The following TMTC1 variants were observed in gnomAD, a reference collection of about 807,000 sequenced individuals.
TMTC1 encodes the protein protein O-mannosyl-transferase TMTC1.
Under a neutral mutation model 104.8 loss-of-function variants are expected in TMTC1, and 73 were observed. The ratio of observed to expected loss-of-function variants is 0.70; its 90% confidence interval spans 0.58 to 0.85. The LOEUF (loss-of-function observed/expected upper bound fraction) is 0.85. Ranked by LOEUF, TMTC1 falls within the 40% of genes least tolerant of loss-of-function variation. The probability of loss-of-function intolerance (pLI) is 0.00; values close to 1 mark genes in which losing one functional copy is unlikely to be tolerated. For missense variants in TMTC1, 1,035 were observed against 1,096.1 expected, an observed-to-expected ratio of 0.94 and a Z score of 0.79; for synonymous variants, 434 against 428.7, an observed-to-expected ratio of 1.01 and a Z score of -0.15.
At chr12:29,667,240 G>C (rs146681580) in intron 5 of TMTC1, among the ~76,000 whole-genome samples, 3 of 152,052 alleles carry the variant, frequency 2.0e-5, no homozygotes, top group Non-Finnish European at 4.4e-5. Flanking sequence ...TGGAGGAGTC[G>C]AACAACCTTT....
At chr12:29,665,097 C>T (rs909635552) in intron 5 of TMTC1, among the ~76,000 whole-genome samples, 38 of 152,186 alleles carry the variant, frequency 2.5e-4, no homozygotes, top group African/African-American at 9.2e-4. Flanking sequence ...GATGTTCTCA[C>T]CAACTGATGA....
At chr12:29,664,500 A>G (rs1453368752) in intron 5 of TMTC1, among the ~76,000 whole-genome samples, 3 of 152,134 alleles carry the variant, frequency 2.0e-5, no homozygotes, top group Non-Finnish European at 4.4e-5. Flanking sequence ...AAAATAAACA[A>G]ACTTTCCCCA....
At chr12:29,565,571 G>C (rs1364501281) in intron 9 of TMTC1, among the ~76,000 whole-genome samples, 3 of 152,214 alleles carry the variant, frequency 2.0e-5, no homozygotes, top group African/African-American at 7.2e-5. Context: ...ATAAGGCCAG[G>C]TGGAGTGGCT....
chr12:29,536,400 C>G (rs1417670332), intron 10 of TMTC1, 83 bp from the exon 11 acceptor site: 5 of 891,404 alleles, frequency 5.6e-6, no homozygotes, highest in Non-Finnish European at 8.9e-6. Flanking sequence ...CTAAAAATCT[C>G]ATTTCTTTTA....
chr12:29,765,327 T>C (rs996687867), intron 2 of TMTC1, among the ~76,000 whole-genome samples: 28 of 152,170 alleles, frequency 1.8e-4, no homozygotes, highest in African/African-American at 6.5e-4. Flanking sequence ...ATTTACCAAA[T>C]GTCATTTGAA....
intron 7 of TMTC1, among the ~76,000 whole-genome samples, chr12:29,603,921 C>A (rs1302071187): frequency 6.6e-6 from 1 of 152,100 alleles, no homozygotes; most frequent in African/African-American, 2.4e-5. Context: ...TACTAAAATC[C>A]TGAATATACT....
intron 5 of TMTC1, among the ~76,000 whole-genome samples, chr12:29,673,654 G>GA (rs1183426637): frequency 6.9e-6 from 1 of 145,274 alleles, no homozygotes; most frequent in Non-Finnish European, 1.5e-5. Flanking sequence ...CGTTTCCAAA[G>GA]AAAAAAATTG....
chr12:29,583,316 T>G, intron 8 of TMTC1, 91 bp downstream of exon 8: 3 of 1,247,384 alleles, frequency 2.4e-6, no homozygotes. Context: ...TAGTAAATAC[T>G]GCCAGGCCCA....
intron 1 of TMTC1, among the ~76,000 whole-genome samples, chr12:29,776,992 G>C (rs1322423426): frequency 6.6e-6 from 1 of 152,174 alleles, no homozygotes; most frequent in African/African-American, 2.4e-5. Flanking sequence ...AGGTAGCCAG[G>C]GGTCAGATCA....
In TMTC1 at chr12:29,783,742, TCAC is replaced by T; in HGVS notation, c.7_9del (p.Val3del). On this transcript the variant is annotated inframe_deletion, in exon 1 of 18. Transcript: ENST00000539277. The surrounding 1 kb of genome is among the most constrained non-coding windows in gnomAD (Gnocchi z 4.7). The stretch of plus-strand genomic sequence containing the variant: ...CCGCCGCCGCCTCGGGCAGAGGTGG[TCAC>T]CACCATCGCGCCGCCGCCGCCGCTG... The T allele has an allele frequency of 5.1e-6, 6 of 1,181,574 alleles. No homozygotes were observed. Among genetic ancestry groups the T allele is most frequent in the Non-Finnish European group, 6.3e-6 (6 of 959,422 alleles). 73.2% of individuals were successfully genotyped at this position (1,181,574 alleles called of 1,614,324 possible). A position where few individuals can be genotyped will look rare whatever the true frequency, so the allele number is the denominator to read the frequency against.
intron 6 of TMTC1, among the ~76,000 whole-genome samples, chr12:29,617,284 G>A (rs898445062): frequency 4.6e-5 from 7 of 151,942 alleles, no homozygotes; most frequent in South Asian, 4.1e-4. Flanking sequence ...CCCAGTTTAC[G>A]TGCTTTGTCA....
At chr12:29,704,729 T>C in intron 5 of TMTC1, among the ~76,000 whole-genome samples, 1 of 152,188 alleles carries the variant, frequency 6.6e-6, no homozygotes, top group South Asian at 2.1e-4. Context: ...AAGAGTGTGC[T>C]GACAGCACAT....
rs1472384350 is a variant in TMTC1 at position 29,506,823 on chromosome 12, T to C, written c.*23A>G. ...CTTTCAGAGGCACCACATTATCCTA[T>C]GAGGTTGGGTCAGACGGTGGTGCTA... On this transcript the variant is annotated 3_prime_UTR_variant, in exon 18 of 18. Transcript: ENST00000539277. 6 of 1,613,806 alleles carry C rather than the reference T, an allele frequency of 3.7e-6. No individual in the cohort carries two copies. Among genetic ancestry groups the C allele is most frequent in the Non-Finnish European group, 5.1e-6 (6 of 1,179,762 alleles).
At chr12:29,590,985 G>A (rs1238614029) in intron 7 of TMTC1, among the ~76,000 whole-genome samples, 4 of 152,090 alleles carry the variant, frequency 2.6e-5, no homozygotes, top group Admixed American at 2.6e-4. Flanking sequence ...GTGGATCCCT[G>A]CTATAACCAG....
At chr12:29,759,765 A>G (rs1335051712) in intron 2 of TMTC1, among the ~76,000 whole-genome samples, 1 of 152,190 alleles carries the variant, frequency 6.6e-6, no homozygotes, top group Non-Finnish European at 1.5e-5. Context: ...CGTGTCAGAA[A>G]GTAAGAAAAT....
chr12:29,626,063 T>C (rs1394944232), intron 6 of TMTC1, among the ~76,000 whole-genome samples: 1 of 152,226 alleles, frequency 6.6e-6, no homozygotes, highest in Non-Finnish European at 1.5e-5. Flanking sequence ...TGAACAGAAT[T>C]GCTAACTTTT....
chr12:29,639,676 A>T (rs1334110674), intron 5 of TMTC1, among the ~76,000 whole-genome samples: 1 of 152,240 alleles, frequency 6.6e-6, no homozygotes, highest in Non-Finnish European at 1.5e-5. Context: ...AGACATTTAG[A>T]AGATTGTTCA....
chr12:29,682,362 C>A (rs1301466730), intron 5 of TMTC1, among the ~76,000 whole-genome samples: 1 of 152,086 alleles, frequency 6.6e-6, no homozygotes. Context: ...TACCATAAAG[C>A]CCATCAGTTG....
chr12:29,603,733 T>C (rs143610722), intron 7 of TMTC1, among the ~76,000 whole-genome samples: 4 of 152,268 alleles, frequency 2.6e-5, no homozygotes, highest in African/African-American at 9.6e-5. Flanking sequence ...CAAGGACAAA[T>C]TTTCTTGAGA....
Sources: allele counts gnomAD v4.1 joint callset (sites outside exome capture counted in the v4.1 genomes callset), GRCh38; gene constraint gnomAD v4.1.1; non-coding constraint Gnocchi (gnomAD v3.1); transcripts MANE v1.5; gene names NCBI Gene and HGNC (gene_info 2026-07-23, HGNC 2026-07-21).